TENM2: variants seen among roughly 807,000 people sequenced by gnomAD.
TENM2 encodes the protein teneurin transmembrane protein 2.
In TENM2, 52 loss-of-function variants were observed where a neutral mutation model predicts 245.2. That is an observed-to-expected ratio of 0.21 (90% CI 0.17 to 0.27). TENM2 has a LOEUF of 0.27. Ranked by LOEUF, TENM2 falls within the 10% of genes least tolerant of loss-of-function variation. TENM2 has a pLI of 1.00. For synonymous variants in TENM2, 1,363 were observed against 1,438.9 expected (o/e 0.95, Z 1.19); for missense variants, 3,046 against 3,666.8 (o/e 0.83, Z 4.37).
chr5:167,783,863 G>A (rs1764378227), intron 2 of TENM2, among the ~76,000 whole-genome samples: 1 of 152,056 alleles, frequency 6.6e-6, no homozygotes, highest in South Asian at 2.1e-4. Context: ...GTGGCAAGAA[G>A]TCCCCCGGGG....
intron 27 of TENM2, among the ~76,000 whole-genome samples, chr5:168,257,237 G>T (rs1459580196): frequency 6.6e-6 from 1 of 151,500 alleles, no homozygotes. Context: ...GTTTTGGGGG[G>T]ACATGAGCAA....
intron 2 of TENM2, among the ~76,000 whole-genome samples, chr5:167,423,327 G>T (rs1231110640): frequency 6.6e-6 from 1 of 152,138 alleles, no homozygotes; most frequent in East Asian, 1.9e-4. Context: ...TTGAGCACTT[G>T]TCAGTATAAG....
At chr5:167,054,121 C>T in the TENM2 span, among the ~76,000 whole-genome samples, 104 of 152,236 alleles carry the variant, frequency 6.8e-4, 1 homozygote, top group African/African-American at 2.3e-3. Context: ...AAATGGATGA[C>T]GACATGTCTC....
the TENM2 span, among the ~76,000 whole-genome samples, chr5:167,135,397 A>C: frequency 2.0e-5 from 3 of 152,216 alleles, no homozygotes; most frequent in Non-Finnish European, 4.4e-5. Flanking sequence ...AATAAATAGG[A>C]AATTTTGTTC....
At chr5:167,993,886 T>C (rs560706425) in intron 5 of TENM2, among the ~76,000 whole-genome samples, 1 of 152,368 alleles carries the variant, frequency 6.6e-6, no homozygotes, top group African/African-American at 2.4e-5. Flanking sequence ...CTGGAGTATC[T>C]TTCTCTGCAT....
At chr5:167,476,691 T>C (rs1291048211) in intron 2 of TENM2, among the ~76,000 whole-genome samples, 2 of 152,150 alleles carry the variant, frequency 1.3e-5, no homozygotes, top group Non-Finnish European at 2.9e-5. Context: ...CTCTGCTGCC[T>C]GGATTCAAGC....
intron 13 of TENM2, among the ~76,000 whole-genome samples, chr5:168,167,045 C>T (rs572686566): frequency 3.9e-5 from 6 of 152,218 alleles, no homozygotes; most frequent in South Asian, 2.1e-4. Flanking sequence ...CAGACAGACA[C>T]GGCAGCTGGC....
intron 9 of TENM2, among the ~76,000 whole-genome samples, chr5:168,100,426 A>G (rs554969573): frequency 2.9e-3 from 407 of 138,510 alleles, no homozygotes; most frequent in African/African-American, 0.011. Flanking sequence ...ATAAAGACAT[A>G]TGCACACGTA....
chr5:167,532,255 T>G, intron 2 of TENM2, among the ~76,000 whole-genome samples: 1 of 152,232 alleles, frequency 6.6e-6, no homozygotes, highest in East Asian at 1.9e-4. Flanking sequence ...TACAAGTCAT[T>G]AGAATTTATA....
At chr5:168,143,218 C>T (rs1369266796) in intron 12 of TENM2, among the ~76,000 whole-genome samples, 2 of 151,594 alleles carry the variant, frequency 1.3e-5, no homozygotes, top group Non-Finnish European at 2.9e-5. Flanking sequence ...TAATATCACC[C>T]CCAACACAGT....
At chr5:167,665,313 T>C (rs1755498841) in intron 2 of TENM2, among the ~76,000 whole-genome samples, 1 of 152,182 alleles carries the variant, frequency 6.6e-6, no homozygotes, top group South Asian at 2.1e-4. Flanking sequence ...TTAGTGATAT[T>C]GTCATTAGTG....
At chr5:167,544,253 A>G (rs1194611508) in intron 2 of TENM2, among the ~76,000 whole-genome samples, 1 of 152,198 alleles carries the variant, frequency 6.6e-6, no homozygotes, top group Non-Finnish European at 1.5e-5. Context: ...TCTTCTGGAC[A>G]TGGGGCCCTG....
chr5:167,291,212 T>A (rs1754618267), intron 1 of TENM2, among the ~76,000 whole-genome samples: 1 of 152,192 alleles, frequency 6.6e-6, no homozygotes, highest in South Asian at 2.1e-4. Context: ...AATCCTATAC[T>A]CTTCTTCTCC....
chr5:167,682,972 CCTTT>C (rs1272609969), intron 2 of TENM2, among the ~76,000 whole-genome samples: 1 of 152,148 alleles, frequency 6.6e-6, no homozygotes, highest in Non-Finnish European at 1.5e-5. Flanking sequence ...AGTAATGACA[CCTTT>C]CTTTCCCCAG....
At chr5:167,000,854 G>A in the TENM2 span, among the ~76,000 whole-genome samples, 4 of 152,076 alleles carry the variant, frequency 2.6e-5, no homozygotes, top group Non-Finnish European at 2.9e-5. Context: ...AAAACGTTTC[G>A]TAATTTACTT....
intron 9 of TENM2, among the ~76,000 whole-genome samples, chr5:168,104,174 T>G (rs1794057080): frequency 6.6e-6 from 1 of 152,052 alleles, no homozygotes; most frequent in South Asian, 2.1e-4. Flanking sequence ...GGATTACCAG[T>G]GCATACCACC....
chr5:167,950,218 C>T lies in TENM2; in HGVS notation c.713-2370C>T, dbSNP rs1016400939. 5.3e-5 allele frequency among the ~76,000 whole-genome samples: 8 copies of T among 152,298 alleles called. No homozygotes were observed. In the South Asian group the frequency reaches 1.7e-3, roughly 32 times the overall value. On this transcript the variant is annotated intron_variant, in intron 3 of 28. Transcript: ENST00000518659. ...GGAACATAACACATGGCACCCAGGT[C>T]GGTGCTTCTCTTCCCCCTGGGGACC...
the TENM2 span, among the ~76,000 whole-genome samples, chr5:167,211,060 A>C: frequency 6.6e-6 from 1 of 152,162 alleles, no homozygotes; most frequent in African/African-American, 2.4e-5. Flanking sequence ...GGCTCCAACA[A>C]GGTCTTTTGA....
chr5:168,016,600 A>G (rs985649), intron 5 of TENM2, among the ~76,000 whole-genome samples: 23,952 of 152,212 alleles, frequency 0.16, 2,064 homozygotes, highest in Admixed American at 0.26. Flanking sequence ...TGGAGCTGGC[A>G]CTCAGAAACC....
Sources: gnomAD v4.1 joint callset for allele counts (sites outside exome capture counted in the v4.1 genomes callset) on GRCh38, gnomAD v4.1.1 for gene constraint, MANE v1.5 for transcripts, NCBI Gene and HGNC (gene_info 2026-07-23, HGNC 2026-07-21) for gene names.